STN1: variants seen among roughly 807,000 people sequenced by gnomAD.
The protein encoded by STN1 is STN1 subunit of CST complex.
Under a neutral mutation model 45.5 loss-of-function variants are expected in STN1, and 29 were observed. The observed-to-expected ratio is 0.64, with a 90% CI of 0.47 to 0.87. The LOEUF is 0.87. STN1 is among the 40% of genes least tolerant of loss of function. The pLI is 0.00. For missense variants in STN1, 376 were observed against 441.4 expected (o/e 0.85, Z 1.33); for synonymous variants, 148 against 159.0 (o/e 0.93, Z 0.52).
intron 3 of STN1, among the ~76,000 whole-genome samples, chr10:103,909,849 A>G (rs1025067413): frequency 1.2e-4 from 19 of 152,192 alleles, no homozygotes; most frequent in Non-Finnish European, 1.8e-4. Context: ...CAAAATATCT[A>G]GCTTGGGCTC....
At position 103,897,610 on chromosome 10, in the gene STN1, T is replaced by G. The variant is rs768664563; in HGVS notation, c.691A>C (p.Met231Leu). The change falls in exon 7 of 10, where the codon ATG becomes CTG. Residue 231 changes from methionine (M) to leucine (L), a missense_variant. Physicochemically the swap from Met to Leu is conservative, Grantham distance 15. Transcript: ENST00000224950. ...VQSFYQQELE[M>L]VESLLSLANQ... ...GCAAGGGACAGCAAAGACTCCACCA[T>G]TTCCAGCTCCTGCTGGTAAAAGCTC... is the stretch of plus-strand genomic sequence containing the variant. 9 of 1,614,164 alleles carry G rather than the reference T, an allele frequency of 5.6e-6. No individual in the cohort carries two copies. In the South Asian group the frequency reaches 9.9e-5, roughly 18 times the overall value.
In STN1 at chr10:103,897,664, T is replaced by C. The variant is rs1843179925; in HGVS notation, c.637A>G (p.Lys213Glu). 2 of 1,614,224 alleles carry C rather than the reference T, an allele frequency of 1.2e-6. No individual in the cohort carries two copies. Among genetic ancestry groups the C allele is most frequent in the Non-Finnish European group, 1.7e-6 (2 of 1,180,024 alleles). Residue 213 changes from lysine (K) to glutamate (E), a missense_variant, in exon 7 of 10, where the codon AAA becomes GAA. Lys to Glu is a moderately conservative substitution (Grantham distance 56, BLOSUM62 1). Transcript: ENST00000224950. ...ACTCTGTTCTCCATGAGGAATTCTT[T>C]GGCTTTTTCACTCAGCAAACTCGTG... ...SLTSLLSEKA[K>E]EFLMENRVQS...
At chr10:103,889,687 T>G (rs1229974571) in intron 8 of STN1, among the ~76,000 whole-genome samples, 1 of 128,226 alleles carries the variant, frequency 7.8e-6, no homozygotes, top group Non-Finnish European at 1.7e-5. Flanking sequence ...TTAGTCTTTT[T>G]CTTTTTCCTT....
intron 4 of STN1, among the ~76,000 whole-genome samples, chr10:103,901,256 A>G (rs1363341117): frequency 1.3e-5 from 2 of 152,198 alleles, no homozygotes; most frequent in East Asian, 3.8e-4. Context: ...ACAGCCAAGC[A>G]TTTTATGTTT....
intron 2 of STN1, among the ~76,000 whole-genome samples, chr10:103,912,813 T>TG (rs1843300187): frequency 6.6e-6 from 1 of 152,238 alleles, no homozygotes. Context: ...AGAATAGGGC[T>TG]GGCCCCCGCT....
intron 3 of STN1, among the ~76,000 whole-genome samples, chr10:103,907,024 A>G (rs1031411691): frequency 7.2e-5 from 11 of 152,160 alleles, no homozygotes; most frequent in South Asian, 2.1e-4. Flanking sequence ...CTGAGGCAGG[A>G]TTGCTTGAGT....
intron 1 of STN1, 134 bp from the exon 2 acceptor site, chr10:103,917,790 C>A (rs1843344251): frequency 7.3e-6 from 4 of 545,596 alleles, no homozygotes; most frequent in African/African-American, 5.7e-5. Context: ...CTGTCAAACT[C>A]CATGCCACGG....
At chr10:103,900,671 T>C (rs935879475) in intron 4 of STN1, among the ~76,000 whole-genome samples, 3 of 151,812 alleles carry the variant, frequency 2.0e-5, no homozygotes, top group Non-Finnish European at 2.9e-5. Flanking sequence ...CTCATCTCTG[T>C]TGGGAAACTA....
rs147944034 is a variant in STN1 at position 103,917,554 on chromosome 10, G to A, written c.41C>T (p.Ser14Phe). ...CACAGGATCCAAACCCCACAAGAGG[G>A]AAGGGGTCTCCTCTTCACACCGGCT... is the stretch of plus-strand genomic sequence containing the variant. ...GSSRCEEETPSLLWGLDPVFL... is the reference protein window; with the variant it reads ...GSSRCEEETPFLLWGLDPVFL... The change falls in exon 2 of 10, where the codon TCC (serine) becomes TTC (phenylalanine). Residue 14 changes from serine to phenylalanine, a missense_variant. Coordinates refer to ENST00000224950, the MANE Select transcript of STN1 (RefSeq NM_024928.5). 6.2e-5 allele frequency: 100 copies of A among 1,613,946 alleles called. No homozygotes were observed. The highest frequency in any genetic ancestry group is 1.6e-4 in the African/African-American group (12 of 74,950).
At position 103,878,482 on chromosome 10, in the gene STN1, T is replaced by C. The variant is rs980867038; in HGVS notation, c.*4202A>G. On this transcript the variant is annotated 3_prime_UTR_variant, in exon 10 of 10. Coordinates refer to ENST00000224950, the MANE Select transcript of STN1 (RefSeq NM_024928.5). Reference sequence around the variant, plus strand: ...GGGTGGGGAGTGGGAAATAGCTTTATAATTTTTGTAGAAATTATATAAGGA... The same window carrying C: ...GGGTGGGGAGTGGGAAATAGCTTTACAATTTTTGTAGAAATTATATAAGGA... The C allele has an allele frequency of 1.4e-4, 21 of 152,252 alleles. No homozygotes were observed. Among genetic ancestry groups the C allele is most frequent in the African/African-American group, 4.8e-4 (20 of 41,460 alleles). The allele number at this position is 152,252 out of a possible 1,614,324, so 9.4% of individuals were successfully genotyped here. A position where few individuals can be genotyped will look rare whatever the true frequency, so the allele number is the denominator to read the frequency against.
chr10:103,911,137 G>A (rs1407359938), intron 2 of STN1, among the ~76,000 whole-genome samples: 1 of 151,758 alleles, frequency 6.6e-6, no homozygotes, highest in Non-Finnish European at 1.5e-5. Flanking sequence ...TTTGGGGCCA[G>A]GTTACAACCC....
At chr10:103,904,285 C>T (rs971630162) in intron 4 of STN1, among the ~76,000 whole-genome samples, 13 of 151,946 alleles carry the variant, frequency 8.6e-5, no homozygotes, top group Admixed American at 2.0e-4. Flanking sequence ...CAATATTGCA[C>T]GATATTCTTT....
At chr10:103,885,709 A>C (rs1338346099) in intron 9 of STN1, among the ~76,000 whole-genome samples, 1 of 152,100 alleles carries the variant, frequency 6.6e-6, no homozygotes, top group Non-Finnish European at 1.5e-5. Flanking sequence ...TCTCTAAGTG[A>C]GAAATTATTA....
At chr10:103,890,586 G>C (rs1439972785) in intron 8 of STN1, among the ~76,000 whole-genome samples, 1 of 152,202 alleles carries the variant, frequency 6.6e-6, no homozygotes, top group Non-Finnish European at 1.5e-5. Flanking sequence ...GGCTCAAGGT[G>C]AGCTGCCCCC....
intron 5 of STN1, 53 bp downstream of exon 5, chr10:103,900,009 C>G: frequency 6.3e-7 from 1 of 1,575,084 alleles, no homozygotes; most frequent in Non-Finnish European, 8.7e-7. Flanking sequence ...AAGAGGTTTA[C>G]TGGACGCACA....
At chr10:103,893,814 C>G (rs554660452) in intron 7 of STN1, among the ~76,000 whole-genome samples, 1 of 152,300 alleles carries the variant, frequency 6.6e-6, no homozygotes, top group Admixed American at 6.5e-5. Context: ...TTCTCCTGGG[C>G]TAACAATAAC....
In STN1 at chr10:103,889,124, G is replaced by T. The variant is rs1297860081; in HGVS notation, c.897C>A (p.Asp299Glu). The T allele has an allele frequency of 4.3e-6, 7 of 1,613,206 alleles. No homozygotes were observed. Among genetic ancestry groups the T allele is most frequent in the African/African-American group, 2.7e-5 (2 of 74,898 alleles). ...TGATCCGGTGGATCTTTCTGTGCAG[G>T]TCTTTGTCTTCTCTGGTTACCTAAA... Reference protein sequence around the residue: ...NLYYVTREDKDLHRKIHRIIQ... With the variant: ...NLYYVTREDKELHRKIHRIIQ... Residue 299 changes from aspartate to glutamate, a missense_variant, in exon 9 of 10, where the codon GAC becomes GAA. Transcript: ENST00000224950.
At position 103,905,154 on chromosome 10, in the gene STN1, C is replaced by G; in HGVS notation, c.232G>C (p.Asp78His). 1 of 1,613,926 alleles carries G rather than the reference C, an allele frequency of 6.2e-7. No homozygotes were observed. Among genetic ancestry groups the G allele is most frequent in the Non-Finnish European group, 8.5e-7 (1 of 1,179,816 alleles). Residue 78 changes from aspartate (D) to histidine (H), a missense_variant and splice_region_variant, in exon 4 of 10, where the codon GAT becomes CAT. By Grantham distance (81) the Asp-to-His change is moderately conservative (BLOSUM62 -1). Transcript: ENST00000224950. ...ERDAFYSYGV[D>H]DSTGVINCIC... ...CAGTTTATAACTCCAGTGCTGTCAT[C>G]CACTGCAAGAGAAAAGCAAAAGGGT... is the stretch of plus-strand genomic sequence containing the variant.
At chr10:103,908,096 T>G (rs1286469575) in intron 3 of STN1, among the ~76,000 whole-genome samples, 1 of 149,724 alleles carries the variant, frequency 6.7e-6, no homozygotes, top group African/African-American at 2.5e-5. Flanking sequence ...ACCACTGCAC[T>G]CCAGCGTGGG....
Sources: gnomAD v4.1 joint callset for allele counts (sites outside exome capture counted in the v4.1 genomes callset) on GRCh38, gnomAD v4.1.1 for gene constraint, MANE v1.5 for transcripts, NCBI Gene and HGNC (gene_info 2026-07-23, HGNC 2026-07-21) for gene names.